The following PKM variants were observed in gnomAD, a reference collection of about 807,000 sequenced individuals.
PKM encodes the protein pyruvate kinase PKM.
PKM carries 18 observed loss-of-function variants against 49.8 expected under a neutral mutation model. The ratio of observed to expected loss-of-function variants is 0.36; its 90% CI spans 0.25 to 0.54. The LOEUF (loss-of-function observed/expected upper bound fraction) is 0.54, where lower values mean the gene tolerates loss of function less well. Among genes scored for constraint, PKM ranks in the 20% least tolerant of loss-of-function variants. The probability of loss-of-function intolerance (pLI) is 0.89; values close to 1 mark genes in which losing one functional copy is unlikely to be tolerated. For synonymous variants in PKM, 239 were observed against 261.8 expected (o/e 0.91, Z 0.84); for missense variants, 508 against 713.8 (o/e 0.71, Z 3.28).
rs1359512380 is a variant in PKM, at chr15:72,208,706, C to T, written c.751G>A (p.Val251Ile). ...FASFIRKASD[V>I]HEVRKVLGEK... ...CCCAGGACCTTCCTAACTTCATGGA[C>T]ATCAGATGCCTTGCGGATGAATGAC... Residue 251 changes from valine to isoleucine, a missense_variant, in exon 6 of 11, where the codon GTC (valine) becomes ATC (isoleucine). By Grantham distance (29) the Val-to-Ile change is conservative. Coordinates refer to ENST00000335181, the MANE Select transcript of PKM (RefSeq NM_002654.6). 6.2e-7 allele frequency: 1 copy of T among 1,614,062 alleles called. No homozygotes were observed. The highest frequency in any genetic ancestry group is 8.5e-7 in the Non-Finnish European group (1 of 1,180,036).
rs376978548 is a variant in PKM, at chr15:72,202,638, G to A, written c.1141-18C>T. 311 of 1,608,270 alleles carry A rather than the reference G, an allele frequency of 1.9e-4. No homozygotes were observed. The highest frequency in any genetic ancestry group is 1.3e-3 in the Middle Eastern group (8 of 6,080). ...CGGGCAATCTAGGGGAGCAACATCCGTCCAGAGGGACGAGAGGGGGACAGA... is the reference window on the plus strand; with the variant it reads ...CGGGCAATCTAGGGGAGCAACATCCATCCAGAGGGACGAGAGGGGGACAGA... On this transcript the variant is annotated intron_variant, in intron 8 of 10. Coordinates refer to ENST00000335181, the MANE Select transcript of PKM (RefSeq NM_002654.6). The surrounding 1 kb of genome is among the most constrained non-coding windows in gnomAD (Gnocchi z 4.5).
At chr15:72,209,073 T>C in intron 5 of PKM, 182 bp from the exon 6 acceptor site, 1 of 665,594 alleles carries the variant, frequency 1.5e-6, no homozygotes. Context: ...AACCTCTCTG[T>C]ACCTCACTTT....
At chr15:72,216,263 G>A (rs1264313264) in intron 3 of PKM, among the ~76,000 whole-genome samples, 1 of 152,180 alleles carries the variant, frequency 6.6e-6, no homozygotes, top group East Asian at 1.9e-4. Flanking sequence ...TGCCTCTTCT[G>A]TAATTCCTCT....
intron 1 of PKM, chr15:72,221,266 T>A (rs781177063): frequency 6.5e-7 from 1 of 1,534,570 alleles, no homozygotes; most frequent in African/African-American, 1.4e-5. Context: ...CAGAGCTGAA[T>A]ACGGTGTGCC....
At chr15:72,224,404 T>C (rs1216581947) in intron 1 of PKM, among the ~76,000 whole-genome samples, 5 of 152,024 alleles carry the variant, frequency 3.3e-5, no homozygotes, top group Admixed American at 3.3e-4. Context: ...TGCATTCTAG[T>C]CGGGGGGATA....
At chr15:72,213,923 C>CTTCACCTGGCTTCTTGCACAT in intron 3 of PKM, among the ~76,000 whole-genome samples, 1 of 152,336 alleles carries the variant, frequency 6.6e-6, no homozygotes, top group Middle Eastern at 3.4e-3. Context: ...TGCACATCCT[C>CTTCACCTGGCTTCTTGCACAT]GCATTCTTCA....
intron 1 of PKM, chr15:72,222,313 A>C (rs1028602780): frequency 6.6e-6 from 1 of 152,138 alleles, no homozygotes; most frequent in Non-Finnish European, 1.5e-5. Flanking sequence ...CAGAGACCTC[A>C]TATCTCATGC....
chr15:72,211,212 C>A (rs8028636), intron 3 of PKM, among the ~76,000 whole-genome samples: 21 of 152,152 alleles, frequency 1.4e-4, no homozygotes, highest in African/African-American at 5.1e-4. Context: ...GGACTGCAGG[C>A]GCCCACCACC....
intron 1 of PKM, among the ~76,000 whole-genome samples, chr15:72,225,126 C>T (rs1370988140): frequency 7.1e-6 from 1 of 140,064 alleles, no homozygotes; most frequent in Non-Finnish European, 1.5e-5. Context: ...TTAGTACAGA[C>T]GGGGTTTCAC....
intron 1 of PKM, among the ~76,000 whole-genome samples, chr15:72,224,723 C>T (rs915934337): frequency 1.4e-4 from 22 of 151,936 alleles, no homozygotes; most frequent in East Asian, 1.4e-3. Context: ...ATTAGCCAGG[C>T]GCGCACCTGT....
intron 3 of PKM, among the ~76,000 whole-genome samples, chr15:72,210,866 G>A (rs1382436003): frequency 6.6e-6 from 1 of 151,940 alleles, no homozygotes; most frequent in South Asian, 2.1e-4. Context: ...TCATAAACAG[G>A]GCAAAAAGCC....
chr15:72,221,286 T>A (rs2082515669), intron 1 of PKM: 1 of 1,520,258 alleles, frequency 6.6e-7, no homozygotes, highest in Admixed American at 2.0e-5. Context: ...CCTGGAGAGC[T>A]GCACAAGGAT....
At chr15:72,230,364 G>C (rs1378646239) in intron 1 of PKM, among the ~76,000 whole-genome samples, 3 of 152,214 alleles carry the variant, frequency 2.0e-5, no homozygotes, top group Non-Finnish European at 4.4e-5. Flanking sequence ...CCGGACACGG[G>C]GCCTCAGCAC....
chr15:72,215,536 A>C (rs773505205), intron 3 of PKM, among the ~76,000 whole-genome samples: 6 of 152,234 alleles, frequency 3.9e-5, no homozygotes, highest in Non-Finnish European at 8.8e-5. Context: ...AAAATAAAAA[A>C]TAAATCTTAA....
At chr15:72,214,161 G>C (rs2082321525) in intron 3 of PKM, among the ~76,000 whole-genome samples, 1 of 151,956 alleles carries the variant, frequency 6.6e-6, no homozygotes, top group South Asian at 2.1e-4. Flanking sequence ...TCTTGACTTT[G>C]TTCTTAATTT....
intron 1 of PKM, chr15:72,229,439 C>G: frequency 1.7e-6 from 1 of 572,320 alleles, no homozygotes; most frequent in South Asian, 1.7e-5. Flanking sequence ...TTCCCAATGT[C>G]TCTCTCCACG....
Position 72,200,815 on chromosome 15 carries a change from C to T in PKM, c.1308-160G>A, listed in dbSNP as rs1168002067. 9.7e-6 allele frequency: 6 copies of T among 618,586 alleles called. No individual in the cohort carries two copies. 38.3% of individuals were successfully genotyped at this position (618,586 alleles called of 1,614,324 possible). A position where few individuals can be genotyped will look rare whatever the true frequency, so the allele number is the denominator to read the frequency against. ...ACCCCTCCCGAGGCTCGGGCAGCCC[C>T]TCATCCTATATCCCCCACAGCATGC... On this transcript the variant is annotated intron_variant, in intron 9 of 10. Transcript: ENST00000335181. The surrounding 1 kb of genome is among the most constrained non-coding windows in gnomAD (Gnocchi z 4.6).
chr15:72,203,089 T>A (rs1196922259), intron 8 of PKM: 1 of 1,613,994 alleles, frequency 6.2e-7, no homozygotes, highest in Admixed American at 1.7e-5. Flanking sequence ...ACGCTGCCCA[T>A]GGCCATGGCT....
At chr15:72,210,043 T>A in intron 4 of PKM, 184 bp from the exon 5 acceptor site, 2 of 663,272 alleles carry the variant, frequency 3.0e-6, no homozygotes, top group South Asian at 3.4e-5. Flanking sequence ...GAAAAGAATA[T>A]GTTTCAGTTA....
Sources: allele counts gnomAD v4.1 joint callset (sites outside exome capture counted in the v4.1 genomes callset), GRCh38; gene constraint gnomAD v4.1.1; non-coding constraint Gnocchi (gnomAD v3.1); transcripts MANE v1.5; gene names NCBI Gene and HGNC (gene_info 2026-07-23, HGNC 2026-07-21).